CCSER1: variants seen among roughly 807,000 people sequenced by gnomAD.
CCSER1 encodes the protein serine-rich coiled-coil domain-containing protein 1.
In CCSER1, 41 loss-of-function variants were observed where a neutral mutation model predicts 82.0. The ratio of observed to expected loss-of-function variants is 0.50; its 90% CI spans 0.39 to 0.65. The LOEUF is 0.65. Among genes scored for constraint, CCSER1 ranks in the 30% least tolerant of loss-of-function variants. The pLI is 0.00. For missense variants in CCSER1, 1,119 were observed against 1,064.2 expected (o/e 1.05, Z -0.72); for synonymous variants, 414 against 383.9 (o/e 1.08, Z -0.92).
chr4:91,149,954 C>A (rs1373226648), intron 10 of CCSER1, among the ~76,000 whole-genome samples: 1 of 152,114 alleles, frequency 6.6e-6, no homozygotes, highest in African/African-American at 2.4e-5. Context: ...ATTGTCTTGG[C>A]AATGCAGGCT....
intron 10 of CCSER1, among the ~76,000 whole-genome samples, chr4:91,506,847 T>C (rs1759518780): frequency 1.3e-5 from 2 of 152,292 alleles, no homozygotes; most frequent in Admixed American, 6.5e-5. Flanking sequence ...ACTTTCTGTC[T>C]CAATGAATTT....
At chr4:90,515,171 A>G (rs1772096384) in intron 5 of CCSER1, among the ~76,000 whole-genome samples, 1 of 152,194 alleles carries the variant, frequency 6.6e-6, no homozygotes, top group Non-Finnish European at 1.5e-5. Flanking sequence ...GTTAATTTCC[A>G]TGTATACAAT....
intron 6 of CCSER1, among the ~76,000 whole-genome samples, chr4:90,633,937 G>T (rs557668817): frequency 6.6e-6 from 1 of 151,828 alleles, no homozygotes; most frequent in East Asian, 1.9e-4. Flanking sequence ...AAAAATGACC[G>T]ATGTTGGGCC....
chr4:91,101,675 A>T (rs115290889), intron 10 of CCSER1, among the ~76,000 whole-genome samples: 2 of 151,500 alleles, frequency 1.3e-5, no homozygotes, highest in South Asian at 4.2e-4. Flanking sequence ...CAAACCCTCT[A>T]CCTCCAAGCA....
chr4:91,484,353 A>G (rs1758108393), intron 10 of CCSER1, among the ~76,000 whole-genome samples: 1 of 152,098 alleles, frequency 6.6e-6, no homozygotes, highest in African/African-American at 2.4e-5. Context: ...TCTTGACTAC[A>G]CTTGTTAAAT....
chr4:90,861,874 T>C (rs990099972), intron 8 of CCSER1, among the ~76,000 whole-genome samples: 2 of 148,670 alleles, frequency 1.3e-5, no homozygotes, highest in Non-Finnish European at 3.0e-5. Flanking sequence ...AAAGCCATGA[T>C]GAAAACCATG....
chr4:91,438,460 A>G (rs1043922526), intron 10 of CCSER1, among the ~76,000 whole-genome samples: 4 of 152,074 alleles, frequency 2.6e-5, no homozygotes, highest in Non-Finnish European at 5.9e-5. Flanking sequence ...CAGAAAGGAC[A>G]TCCACACCAA....
intron 9 of CCSER1, among the ~76,000 whole-genome samples, chr4:90,954,533 T>C (rs951936417): frequency 6.6e-6 from 1 of 152,112 alleles, no homozygotes; most frequent in African/African-American, 2.4e-5. Flanking sequence ...CCCAAGTAGC[T>C]GATAAAATAG....
At chr4:90,295,508 G>C (rs1731696810) in intron 1 of CCSER1, among the ~76,000 whole-genome samples, 2 of 150,948 alleles carry the variant, frequency 1.3e-5, no homozygotes, top group Non-Finnish European at 1.5e-5. Context: ...GTTTCTTACT[G>C]GCTCATAGGA....
At chr4:91,545,938 T>C (rs1761867798) in intron 10 of CCSER1, among the ~76,000 whole-genome samples, 1 of 152,180 alleles carries the variant, frequency 6.6e-6, no homozygotes, top group Admixed American at 6.5e-5. Flanking sequence ...AGATGTTCTT[T>C]ATTAAGTTCA....
intron 10 of CCSER1, among the ~76,000 whole-genome samples, chr4:91,532,091 A>T (rs976970467): frequency 1.3e-5 from 2 of 152,222 alleles, no homozygotes; most frequent in African/African-American, 4.8e-5. Context: ...AGAATGGAGA[A>T]TGTCAAGACG....
At position 91,593,411 on chromosome 4, in the gene CCSER1, A is replaced by ATAAT. The variant is rs1367596327; in HGVS notation, c.2218-5159_2218-5156dup. Among the ~76,000 whole-genome samples, 12 of 150,158 alleles carry ATAAT rather than the reference A, an allele frequency of 8.0e-5. No individual in the cohort carries two copies. The South Asian group carries it at 2.3e-3, about 29-fold the overall frequency. ...AGAAAGCCAAGGAAAAAAACAGGGT[A>ATAAT]TAATTTTAATATTAATGAAATAAAT... On this transcript the variant is annotated intron_variant, in intron 10 of 10. Coordinates refer to ENST00000509176, the MANE Select transcript of CCSER1 (RefSeq NM_001145065.2).
At chr4:90,149,898 AAAT>A (rs1316013147) in intron 1 of CCSER1, among the ~76,000 whole-genome samples, 75 of 152,254 alleles carry the variant, frequency 4.9e-4, no homozygotes, top group African/African-American at 1.7e-3. Context: ...TTTTGGAGTA[AAAT>A]AATAAGAAAC....
chr4:90,272,704 A>G (rs1027918924), intron 1 of CCSER1, among the ~76,000 whole-genome samples: 4 of 152,188 alleles, frequency 2.6e-5, no homozygotes, highest in Non-Finnish European at 4.4e-5. Context: ...TGGTACATAT[A>G]CAGCATGGAG....
chr4:90,971,135 A>G (rs1735067481), intron 9 of CCSER1, among the ~76,000 whole-genome samples: 1 of 151,858 alleles, frequency 6.6e-6, no homozygotes, highest in Admixed American at 6.6e-5. Flanking sequence ...TTGTTCTCAT[A>G]CTATGATAAA....
chr4:90,157,538 C>A (rs1176921453), intron 1 of CCSER1, among the ~76,000 whole-genome samples: 1 of 152,194 alleles, frequency 6.6e-6, no homozygotes, highest in Middle Eastern at 3.2e-3. Flanking sequence ...GGTGTTTTCA[C>A]ATAGTCCCAT....
chr4:90,532,791 T>C (rs1364914140), intron 5 of CCSER1, among the ~76,000 whole-genome samples: 3 of 152,176 alleles, frequency 2.0e-5, no homozygotes, highest in African/African-American at 7.2e-5. Flanking sequence ...TTTATATCTC[T>C]AGACCGTCCC....
chr4:90,502,157 A>T (rs1278828822), intron 5 of CCSER1, among the ~76,000 whole-genome samples: 2 of 152,188 alleles, frequency 1.3e-5, no homozygotes, highest in African/African-American at 4.8e-5. Flanking sequence ...TGGGTAATTT[A>T]TAAAGAAAAG....
chr4:90,823,430 C>A (rs1043430874), intron 8 of CCSER1, among the ~76,000 whole-genome samples: 1 of 152,064 alleles, frequency 6.6e-6, no homozygotes, highest in African/African-American at 2.4e-5. Flanking sequence ...TAAGTCAGAA[C>A]CTTCCAACTA....
Sources: allele counts gnomAD v4.1 joint callset (sites outside exome capture counted in the v4.1 genomes callset), GRCh38; gene constraint gnomAD v4.1.1; transcripts MANE v1.5; gene names NCBI Gene and HGNC (gene_info 2026-07-23, HGNC 2026-07-21).